Variants in DIAPH2 observed in about 807,000 individuals in gnomAD.
DIAPH2 encodes the protein diaphanous related formin 2.
Under a neutral mutation model 92.7 loss-of-function variants are expected in DIAPH2, and 35 were observed. The ratio of observed to expected loss-of-function variants is 0.38; its 90% CI spans 0.29 to 0.50. DIAPH2 has a LOEUF of 0.50. DIAPH2 is among the 20% of genes least tolerant of loss of function. The pLI is 0.94. For synonymous variants in DIAPH2, 301 were observed against 280.4 expected (o/e 1.07, Z -0.73); for missense variants, 701 against 819.5 (o/e 0.86, Z 1.77).
At chrX:97,251,069 G>C (rs759191778) in intron 23 of DIAPH2, among the ~76,000 whole-genome samples, 1 of 111,902 alleles carries the variant, frequency 8.9e-6, no homozygotes, top group Non-Finnish European at 1.9e-5. Context: ...CCCAAAATAG[G>C]TTGCTTGTTC....
At chrX:97,542,399 A>G (rs1483833592) in intron 26 of DIAPH2, among the ~76,000 whole-genome samples, 2 of 112,250 alleles carry the variant, frequency 1.8e-5, no homozygotes, top group African/African-American at 6.5e-5. Context: ...CTACAGGCCC[A>G]GAATTCCACA....
chrX:96,715,018 G>T (rs1311081629), intron 1 of DIAPH2, among the ~76,000 whole-genome samples: 1 of 111,720 alleles, frequency 9.0e-6, no homozygotes, highest in African/African-American at 3.3e-5. Context: ...TATTGACCTG[G>T]CAAGGAAAAC....
chrX:97,050,448 A>G (rs2066511890), intron 17 of DIAPH2, among the ~76,000 whole-genome samples: 1 of 109,364 alleles, frequency 9.1e-6, no homozygotes, highest in Admixed American at 9.8e-5. Context: ...TTTATTTTAG[A>G]TTGACCCAAT....
At chrX:97,561,570 C>T (rs966742228) in intron 26 of DIAPH2, among the ~76,000 whole-genome samples, 3 of 112,515 alleles carry the variant, frequency 2.7e-5, no homozygotes, top group Admixed American at 1.9e-4. Flanking sequence ...TGCTAAGTGA[C>T]TTTTTACTTT....
chrX:97,411,869 T>C (rs1430467207), intron 25 of DIAPH2, among the ~76,000 whole-genome samples: 2 of 111,864 alleles, frequency 1.8e-5, no homozygotes, highest in Non-Finnish European at 3.8e-5. Flanking sequence ...TAAATATATA[T>C]GCACCCAATA....
intron 23 of DIAPH2, among the ~76,000 whole-genome samples, chrX:97,258,439 G>A (rs928214265): frequency 1.6e-4 from 18 of 110,545 alleles, no homozygotes; most frequent in Admixed American, 5.7e-4. Context: ...CCAGGCGCGT[G>A]GCACGCGCCT....
At chrX:96,855,675 T>C (rs1265945081) in intron 4 of DIAPH2, among the ~76,000 whole-genome samples, 8 of 109,922 alleles carry the variant, frequency 7.3e-5, no homozygotes, top group Admixed American at 3.9e-4. Context: ...GGGACCTAGT[T>C]TGGGAGGACA....
chrX:97,518,556 A>G (rs991639322), intron 26 of DIAPH2, among the ~76,000 whole-genome samples: 18 of 109,916 alleles, frequency 1.6e-4, no homozygotes, highest in African/African-American at 6.0e-4. Context: ...TTGTGTGTGT[A>G]TATATATATG....
intron 26 of DIAPH2, among the ~76,000 whole-genome samples, chrX:97,434,749 T>C (rs915563189): frequency 2.7e-5 from 3 of 111,131 alleles, no homozygotes; most frequent in African/African-American, 9.8e-5. Context: ...AAAGGAGTGG[T>C]GATAGTAGAA....
Position 97,099,744 on chromosome X carries a change from G to C in DIAPH2, c.2298G>C (p.Glu766Asp). ...PEQKILNELAELKNEYDDLCE... is the reference protein window; with the variant it reads ...PEQKILNELADLKNEYDDLCE... ...AGAAGATACTCAACGAATTAGCAGAGCTTAAGAATGAATATGATGACCTCT... is the reference window on the plus strand; with the variant it reads ...AGAAGATACTCAACGAATTAGCAGACCTTAAGAATGAATATGATGACCTCT... Residue 766 changes from glutamate (E) to aspartate (D), a missense_variant, in exon 20 of 27, where the codon GAG (glutamate) becomes GAC (aspartate). Glu to Asp is a conservative substitution (Grantham distance 45, BLOSUM62 2). Coordinates refer to ENST00000324765, the MANE Select transcript of DIAPH2 (RefSeq NM_006729.5). The C allele has an allele frequency of 2.7e-5, 32 of 1,182,735 alleles. No homozygotes were observed. Among genetic ancestry groups the C allele is most frequent in the Non-Finnish European group, 3.6e-5 (32 of 882,167 alleles).
chrX:97,506,317 T>C, intron 26 of DIAPH2, among the ~76,000 whole-genome samples: 1 of 107,687 alleles, frequency 9.3e-6, no homozygotes, highest in East Asian at 2.9e-4. Context: ...GCCCGGCTAA[T>C]TTTTGCATTT....
intron 1 of DIAPH2, among the ~76,000 whole-genome samples, chrX:96,730,878 C>T (rs1448281850): frequency 1.8e-5 from 2 of 110,239 alleles, no homozygotes; most frequent in Admixed American, 1.9e-4. Context: ...GGGCTGAGTC[C>T]GAAAAGAGAG....
At chrX:97,478,382 G>A (rs1328036093) in intron 26 of DIAPH2, among the ~76,000 whole-genome samples, 1 of 111,481 alleles carries the variant, frequency 9.0e-6, no homozygotes. Context: ...ATATACATTT[G>A]TTTATGTTAA....
chrX:96,878,002 A>G (rs943273564), intron 4 of DIAPH2, among the ~76,000 whole-genome samples: 1 of 111,941 alleles, frequency 8.9e-6, no homozygotes, highest in Non-Finnish European at 1.9e-5. Context: ...CATTAATCTC[A>G]TACAGAGCAG....
intron 26 of DIAPH2, among the ~76,000 whole-genome samples, chrX:97,500,410 G>C (rs1003006181): frequency 9.0e-6 from 1 of 111,145 alleles, no homozygotes; most frequent in African/African-American, 3.3e-5. Context: ...AGTTTTATTT[G>C]TCACTGCACT....
At chrX:96,802,395 T>C (rs1366568898) in intron 4 of DIAPH2, among the ~76,000 whole-genome samples, 1 of 112,320 alleles carries the variant, frequency 8.9e-6, no homozygotes, top group African/African-American at 3.2e-5. Flanking sequence ...TCAGGCTAGA[T>C]TTGGCCTATG....
rs763232145 is a variant in DIAPH2, at chrX:97,570,095, T to G, written c.3242-29158T>G. ...CTTCTAATATATATATATATATATA[T>G]ATATATATATATATATATATATATA... On this transcript the variant is annotated intron_variant, in intron 26 of 26. Coordinates refer to ENST00000324765, the MANE Select transcript of DIAPH2 (RefSeq NM_006729.5). 5.5e-3 allele frequency among the ~76,000 whole-genome samples: 164 copies of G among 29,946 alleles called. 3 individuals are homozygous for G. Among genetic ancestry groups the G allele is most frequent in the African/African-American group, 0.017 (160 of 9,607 alleles). 26.0% of individuals were successfully genotyped at this position (29,946 alleles called of 115,157 possible). A position where few individuals can be genotyped will look rare whatever the true frequency, so the allele number is the denominator to read the frequency against.
At chrX:96,776,197 CTTCTT>C (rs760995238) in intron 4 of DIAPH2, among the ~76,000 whole-genome samples, 47 of 110,496 alleles carry the variant, frequency 4.3e-4, no homozygotes, top group African/African-American at 1.1e-3. Context: ...GTATCCTTTT[CTTCTT>C]TTCTTTTCTT....
At chrX:97,013,540 T>A (rs753607249) in intron 17 of DIAPH2, among the ~76,000 whole-genome samples, 6 of 112,407 alleles carry the variant, frequency 5.3e-5, no homozygotes, top group Non-Finnish European at 9.4e-5. Context: ...CTCAGCAACT[T>A]TGTTAACCAA....
Sources: allele counts gnomAD v4.1 joint callset (sites outside exome capture counted in the v4.1 genomes callset), GRCh38; gene constraint gnomAD v4.1.1; transcripts MANE v1.5; gene names NCBI Gene and HGNC (gene_info 2026-07-23, HGNC 2026-07-21).